Variants in PARP4 observed in about 807,000 individuals in gnomAD.
PARP4 encodes protein mono-ADP-ribosyltransferase PARP4.
In PARP4, 120 loss-of-function variants were observed where a neutral mutation model predicts 187.7. That is an observed-to-expected ratio of 0.64 (90% CI 0.55 to 0.74). PARP4 has a LOEUF of 0.74. Among genes scored for constraint, PARP4 ranks in the 30% least tolerant of loss-of-function variants. PARP4 has a pLI of 0.00. For missense variants in PARP4, 1,836 were observed against 2,070.5 expected, an observed-to-expected ratio of 0.89 and a Z score of 2.20; for synonymous variants, 654 against 740.9, an observed-to-expected ratio of 0.88 and a Z score of 1.90.
chr13:24,502,994 G>T (rs1869394751), intron 2 of PARP4, among the ~76,000 whole-genome samples: 1 of 152,184 alleles, frequency 6.6e-6, no homozygotes, highest in African/African-American at 2.4e-5. Context: ...AGAGGACAGG[G>T]GCAGGCCAGC....
intron 20 of PARP4, among the ~76,000 whole-genome samples, chr13:24,457,336 C>T (rs1034513090): frequency 6.6e-6 from 1 of 152,156 alleles, no homozygotes; most frequent in Non-Finnish European, 1.5e-5. Flanking sequence ...CCTCCTGCCA[C>T]GAGGCAGCAG....
intron 30 of PARP4, among the ~76,000 whole-genome samples, 160 bp from the exon 31 acceptor site, chr13:24,435,634 G>T (rs1335478538): frequency 6.6e-6 from 1 of 152,192 alleles, no homozygotes; most frequent in African/African-American, 2.4e-5. Flanking sequence ...AATAACACCA[G>T]TGCTGCGTGC....
At chr13:24,485,402 G>A (rs1873499793) in intron 11 of PARP4, among the ~76,000 whole-genome samples, 1 of 152,104 alleles carries the variant, frequency 6.6e-6, no homozygotes, top group Non-Finnish European at 1.5e-5. Flanking sequence ...TATCATGATT[G>A]CACTAAATCT....
chr13:24,469,548 G>A lies in PARP4; in HGVS notation c.2046+346C>T, dbSNP rs1872642349. ...TCAGCTCGAACCCCTGACCTCAAGT[G>A]ATCCACCTGCCTCAGCCTCCCGAAG... On this transcript the variant is annotated intron_variant, in intron 16 of 33. Transcript: ENST00000381989. Among the ~76,000 whole-genome samples the A allele has an allele frequency of 2.6e-5, 4 of 152,156 alleles. No individual in the cohort carries two copies. The South Asian group carries it at 8.3e-4, about 32-fold the overall frequency.
At chr13:24,466,393 G>A (rs1371791028) in intron 17 of PARP4, among the ~76,000 whole-genome samples, 2 of 151,810 alleles carry the variant, frequency 1.3e-5, no homozygotes, top group East Asian at 1.9e-4. Flanking sequence ...TGTTGCCCAA[G>A]GGGTCTTGAA....
intron 18 of PARP4, 85 bp downstream of exon 18, chr13:24,459,887 C>T: frequency 9.0e-7 from 1 of 1,105,230 alleles, no homozygotes; most frequent in Admixed American, 2.6e-5. Flanking sequence ...ATGTTTTTCT[C>T]CCCAGGCATA....
intron 32 of PARP4, among the ~76,000 whole-genome samples, chr13:24,429,629 T>A (rs1202187883): frequency 8.0e-4 from 122 of 152,324 alleles, no homozygotes; most frequent in African/African-American, 2.9e-3. Flanking sequence ...TCTCTCTAAT[T>A]TGGTGCCACT....
intron 4 of PARP4, among the ~76,000 whole-genome samples, chr13:24,499,623 G>A (rs1035553736): frequency 3.9e-5 from 6 of 152,106 alleles, no homozygotes; most frequent in Non-Finnish European, 7.3e-5. Flanking sequence ...GCACTGTAGC[G>A]TCTGCACTGG....
intron 1 of PARP4, among the ~76,000 whole-genome samples, chr13:24,504,898 T>G (rs970806713): frequency 6.6e-6 from 1 of 151,864 alleles, no homozygotes; most frequent in Non-Finnish European, 1.5e-5. Flanking sequence ...TTTTACCATG[T>G]TGGCCAGGCT....
At chr13:24,447,776 T>C (rs1244527731) in intron 25 of PARP4, among the ~76,000 whole-genome samples, 1 of 152,244 alleles carries the variant, frequency 6.6e-6, no homozygotes, top group African/African-American at 2.4e-5. Context: ...AGTACTTGAA[T>C]AGATATTTCT....
intron 6 of PARP4, among the ~76,000 whole-genome samples, chr13:24,496,506 A>C (rs1868962382): frequency 6.6e-6 from 1 of 152,160 alleles, no homozygotes; most frequent in Non-Finnish European, 1.5e-5. Context: ...ATAATTGGGT[A>C]TGTCCCTTGA....
In PARP4 at chr13:24,459,325, A is replaced by G; in HGVS notation, c.2299-15T>C. 1 of 1,527,342 alleles carries G rather than the reference A, an allele frequency of 6.5e-7. No individual in the cohort carries two copies. Among genetic ancestry groups the G allele is most frequent in the Non-Finnish European group, 8.9e-7 (1 of 1,123,032 alleles). 94.6% of individuals were successfully genotyped at this position (1,527,342 alleles called of 1,614,324 possible). A position where few individuals can be genotyped will look rare whatever the true frequency, so the allele number is the denominator to read the frequency against. ...TCTACTGTATCCTGTTAAAAGAAAA[A>G]TACATTTGTATAACTAAGCATATAT... On this transcript the variant is annotated splice_polypyrimidine_tract_variant and intron_variant, in intron 18 of 33. Coordinates refer to ENST00000381989, the MANE Select transcript of PARP4 (RefSeq NM_006437.4).
chr13:24,449,890 G>A (rs73172129), intron 24 of PARP4, 73 bp from the exon 25 acceptor site: 77,695 of 889,246 alleles, frequency 0.087, 4,018 homozygotes, highest in Non-Finnish European at 0.11. Flanking sequence ...ACAGTGTTGA[G>A]AAAGCTCACA....
chr13:24,492,397 G>A, intron 9 of PARP4, 24 bp downstream of exon 9: 1 of 1,554,324 alleles, frequency 6.4e-7, no homozygotes, highest in Non-Finnish European at 8.8e-7. Context: ...ATAATAAATA[G>A]AATTCTATAT....
rs1315084635 is a variant in PARP4 at position 24,486,192 on chromosome 13, T to C, written c.1328A>G (p.Gln443Arg). ...CCGACACAAGATTCCCACGATGTTT[T>C]GTACAGGAGAACCATGCAACAAGGG... Reference protein sequence around the residue: ...VRPLLHGSPVQNIVGILCRGL... With the variant: ...VRPLLHGSPVRNIVGILCRGL... The change falls in exon 11 of 34, where the codon CAA becomes CGA. Residue 443 changes from glutamine to arginine, a missense_variant. Physicochemically the swap from Gln to Arg is conservative, Grantham distance 43 (BLOSUM62 1). Transcript: ENST00000381989. The C allele has an allele frequency of 1.9e-6, 3 of 1,612,262 alleles. No homozygotes were observed. Among genetic ancestry groups the C allele is most frequent in the East Asian group, 4.5e-5 (2 of 44,860 alleles).
intron 4 of PARP4, 102 bp from the exon 5 acceptor site, chr13:24,499,478 T>C (rs1869153090): frequency 3.4e-6 from 3 of 879,864 alleles, no homozygotes; most frequent in Non-Finnish European, 3.3e-6. Flanking sequence ...AAATACATGA[T>C]AGATTCCTTA....
chr13:24,458,013 T>C (rs1261649672), intron 20 of PARP4, among the ~76,000 whole-genome samples: 1 of 151,912 alleles, frequency 6.6e-6, no homozygotes, highest in Non-Finnish European at 1.5e-5. Context: ...CTCACACCTG[T>C]CATTCTAGCA....
At chr13:24,468,507 C>T (rs921006403) in intron 17 of PARP4, among the ~76,000 whole-genome samples, 38 of 149,614 alleles carry the variant, frequency 2.5e-4, no homozygotes, top group African/African-American at 8.9e-4. Context: ...CAGGTTCAAG[C>T]GATTCTCCTG....
At chr13:24,486,604 A>G (rs2137524144) in intron 10 of PARP4, among the ~76,000 whole-genome samples, 1 of 152,370 alleles carries the variant, frequency 6.6e-6, no homozygotes, top group East Asian at 1.9e-4. Context: ...GGAATATATA[A>G]TTCTTGCTCT....
Sources: gnomAD v4.1 joint callset for allele counts (sites outside exome capture counted in the v4.1 genomes callset) on GRCh38, gnomAD v4.1.1 for gene constraint, MANE v1.5 for transcripts, NCBI Gene and HGNC (gene_info 2026-07-23, HGNC 2026-07-21) for gene names.